Variants in ANO6 observed in about 807,000 individuals in gnomAD.
ANO6 encodes anoctamin-6.
In ANO6, 106 loss-of-function variants were observed where a neutral mutation model predicts 117.5. The ratio of observed to expected loss-of-function variants is 0.90; its 90% CI spans 0.77 to 1.06. ANO6 has a LOEUF of 1.06. ANO6 is among the 50% of genes least tolerant of loss of function. The pLI is 0.00. For missense variants in ANO6, 955 were observed against 1,121.1 expected (o/e 0.85, Z 2.12); for synonymous variants, 367 against 385.1 (o/e 0.95, Z 0.55).
intron 16 of ANO6, among the ~76,000 whole-genome samples, chr12:45,410,277 A>G (rs962013316): frequency 2.0e-5 from 3 of 152,130 alleles, no homozygotes; most frequent in Admixed American, 2.0e-4. Context: ...CCTGCCTTTG[A>G]CAGCCTATTT....
At chr12:45,358,783 CTTT>C (rs397688092) in intron 8 of ANO6, among the ~76,000 whole-genome samples, 7 of 142,688 alleles carry the variant, frequency 4.9e-5, no homozygotes, top group Non-Finnish European at 4.6e-5. Flanking sequence ...TATGTCCCTC[CTTT>C]TTTTTTTTTT....
intron 1 of ANO6, among the ~76,000 whole-genome samples, chr12:45,279,743 G>T (rs921560739): frequency 6.6e-6 from 1 of 152,206 alleles, no homozygotes; most frequent in African/African-American, 2.4e-5. Flanking sequence ...AATTAAAAAT[G>T]ATTTTAAGAT....
intron 1 of ANO6, among the ~76,000 whole-genome samples, chr12:45,296,194 G>A (rs79874551): frequency 0.017 from 2,650 of 152,274 alleles, 57 homozygotes; most frequent in East Asian, 0.085. Context: ...TTTCAGAATG[G>A]AAAGAAGAGT....
At chr12:45,352,576 A>AAAAT (rs1218602618) in intron 7 of ANO6, among the ~76,000 whole-genome samples, 1 of 150,916 alleles carries the variant, frequency 6.6e-6, no homozygotes, top group African/African-American at 2.4e-5. Flanking sequence ...AAAAAAAAAA[A>AAAAT]AAAAAAGCCA....
intron 12 of ANO6, among the ~76,000 whole-genome samples, chr12:45,393,885 A>G (rs1376777004): frequency 5.3e-5 from 8 of 152,246 alleles, no homozygotes. Flanking sequence ...CAGCCCCAGC[A>G]AAAACATGCC....
intron 1 of ANO6, chr12:45,293,104 C>T: frequency 1.8e-6 from 1 of 563,102 alleles, no homozygotes; most frequent in Non-Finnish European, 2.3e-6. Context: ...TGGTGCAGTG[C>T]AATATGGTTC....
At chr12:45,359,120 A>G (rs1336925174) in intron 8 of ANO6, among the ~76,000 whole-genome samples, 1 of 152,146 alleles carries the variant, frequency 6.6e-6, no homozygotes, top group East Asian at 1.9e-4. Flanking sequence ...TTATATAGAG[A>G]CATTATTTAT....
chr12:45,269,165 G>C (rs1938313456), intron 1 of ANO6, among the ~76,000 whole-genome samples: 3 of 152,190 alleles, frequency 2.0e-5, no homozygotes, highest in Admixed American at 6.5e-5. Flanking sequence ...TTTATAAGCT[G>C]TGCCATAGTG....
rs1171531069 is a variant in ANO6 at position 45,405,804 on chromosome 12, A to T, written c.1880+2268A>T. ...ATGCCTGTAATCCCAGCTACTCAGG[A>T]GGCTGAGGCAGGAGAATTGCTTGAA... On this transcript the variant is annotated intron_variant, in intron 15 of 19. Coordinates refer to ENST00000320560, the MANE Select transcript of ANO6 (RefSeq NM_001025356.3). 3.9e-5 allele frequency among the ~76,000 whole-genome samples: 6 copies of T among 152,136 alleles called. No individual in the cohort carries two copies. The East Asian group carries it at 1.2e-3, about 29-fold the overall frequency.
chr12:45,327,797 G>A (rs900132776), intron 2 of ANO6, among the ~76,000 whole-genome samples: 2 of 151,764 alleles, frequency 1.3e-5, no homozygotes, highest in African/African-American at 2.4e-5. Flanking sequence ...ATACATTTTT[G>A]GATCTTCAGA....
intron 10 of ANO6, among the ~76,000 whole-genome samples, chr12:45,386,673 A>T (rs1479132053): frequency 6.6e-6 from 1 of 152,224 alleles, no homozygotes; most frequent in Admixed American, 6.5e-5. Context: ...AAGCACAGAA[A>T]ACCCTTTGTG....
At chr12:45,254,172 A>G (rs1483185924) in intron 1 of ANO6, among the ~76,000 whole-genome samples, 1 of 152,220 alleles carries the variant, frequency 6.6e-6, no homozygotes, top group East Asian at 1.9e-4. Context: ...TCTCAAAAAA[A>G]AAGTTCGCCA....
At chr12:45,288,954 T>C (rs951705278) in intron 1 of ANO6, among the ~76,000 whole-genome samples, 2 of 151,630 alleles carry the variant, frequency 1.3e-5, no homozygotes, top group Non-Finnish European at 2.9e-5. Context: ...GGTTTCACCG[T>C]GTTAGCCAGT....
Position 45,439,887 on chromosome 12 carries a change from A to G in ANO6, c.2739A>G (p.Leu913=), listed in dbSNP as rs1222031477. 4.6e-6 allele frequency: 7 copies of G among 1,525,000 alleles called. 1 individual carries two copies. The East Asian group carries it at 1.7e-4, about 38-fold the overall frequency. 94.5% of individuals were successfully genotyped at this position (1,525,000 alleles called of 1,614,324 possible). Residue 913 remains leucine, a synonymous_variant, in exon 20 of 20, where the codon CTA becomes CTG. Coordinates refer to the ANO6 transcript ENST00000425752. ...TTTCTGTTACTTTCTTTTTCCTTCT[A>G]CTTTCTTTGGGGCCAACTCCGTGTT...
chr12:45,278,061 CCCCGCTCAAACCA>C (rs1244104616), intron 1 of ANO6, among the ~76,000 whole-genome samples: 1 of 152,008 alleles, frequency 6.6e-6, no homozygotes, highest in Non-Finnish European at 1.5e-5. Context: ...AAGCTATCCT[CCCCGCTCAAACCA>C]CCCTCCACCT....
intron 1 of ANO6, among the ~76,000 whole-genome samples, chr12:45,275,359 G>A (rs925260563): frequency 2.0e-5 from 3 of 151,908 alleles, no homozygotes; most frequent in African/African-American, 2.4e-5. Context: ...ACAGGCACCC[G>A]CCCCCACACC....
chr12:45,331,397 A>G lies in ANO6; in HGVS notation c.253A>G (p.Lys85Glu). ...GGATGAAAGCAGAAAAGAGACCAAT[A>G]AAAAGGGTACAAATGAAAAACAAAG... Reference protein sequence around the residue: ...YEDESRKETNKKGTNEKQRRK... With the variant: ...YEDESRKETNEKGTNEKQRRK... Residue 85 changes from lysine (K) to glutamate (E), a missense_variant, in exon 3 of 20, where the codon AAA becomes GAA. By Grantham distance (56) the Lys-to-Glu change is moderately conservative (BLOSUM62 1). Coordinates refer to ENST00000320560, the MANE Select transcript of ANO6 (RefSeq NM_001025356.3). 1.2e-6 allele frequency: 2 copies of G among 1,606,918 alleles called. No homozygotes were observed. Among genetic ancestry groups the G allele is most frequent in the South Asian group, 2.2e-5 (2 of 89,244 alleles).
chr12:45,218,730 T>A (rs1947353084), intron 1 of ANO6, among the ~76,000 whole-genome samples: 1 of 152,184 alleles, frequency 6.6e-6, no homozygotes, highest in South Asian at 2.1e-4. Flanking sequence ...TAATTATTAT[T>A]TCCAACTGTG....
chr12:45,426,201 T>C (rs971690416), intron 19 of ANO6, among the ~76,000 whole-genome samples: 19 of 152,236 alleles, frequency 1.2e-4, no homozygotes, highest in African/African-American at 4.3e-4. Flanking sequence ...GATAACATCA[T>C]GCCACCAGGC....
Sources: gnomAD v4.1 joint callset for allele counts (sites outside exome capture counted in the v4.1 genomes callset) on GRCh38, gnomAD v4.1.1 for gene constraint, MANE v1.5 for transcripts, NCBI Gene and HGNC (gene_info 2026-07-23, HGNC 2026-07-21) for gene names.